The following LRRTM4 variants were observed in gnomAD, a reference collection of about 807,000 sequenced individuals.
LRRTM4 encodes leucine rich repeat transmembrane neuronal 4.
Under a neutral mutation model 47.6 loss-of-function variants are expected in LRRTM4, and 25 were observed. The ratio of observed to expected loss-of-function variants is 0.53; its 90% CI spans 0.38 to 0.73. The LOEUF (loss-of-function observed/expected upper bound fraction) is 0.73, where lower values mean the gene tolerates loss of function less well. LRRTM4 is among the 30% of genes least tolerant of loss of function. The pLI is 0.00. For missense variants in LRRTM4, 638 were observed against 713.4 expected (o/e 0.89, Z 1.20); for synonymous variants, 311 against 269.5 (o/e 1.15, Z -1.51).
At chr2:77,248,371 C>T (rs1170243693) in intron 3 of LRRTM4, among the ~76,000 whole-genome samples, 1 of 151,792 alleles carries the variant, frequency 6.6e-6, no homozygotes, top group Admixed American at 6.6e-5. Flanking sequence ...AAGAAAACTG[C>T]AAATTCTGAT....
chr2:77,062,351 A>T (rs1438233171), intron 3 of LRRTM4, among the ~76,000 whole-genome samples: 2 of 152,238 alleles, frequency 1.3e-5, no homozygotes, highest in African/African-American at 4.8e-5. Context: ...GTTATCCTTT[A>T]AAAATGTTAG....
At chr2:77,080,944 ACT>A (rs1680509955) in intron 3 of LRRTM4, among the ~76,000 whole-genome samples, 1 of 151,840 alleles carries the variant, frequency 6.6e-6, no homozygotes, top group African/African-American at 2.4e-5. Flanking sequence ...CTTGCTCTTT[ACT>A]CTGTCCACAT....
intron 3 of LRRTM4, among the ~76,000 whole-genome samples, chr2:77,057,751 G>C (rs571706351): frequency 1.3e-5 from 2 of 152,196 alleles, no homozygotes; most frequent in Non-Finnish European, 2.9e-5. Flanking sequence ...TGCACCTAGA[G>C]TCAAGAAGAA....
intron 3 of LRRTM4, among the ~76,000 whole-genome samples, chr2:77,082,759 T>C (rs1355495112): frequency 6.6e-6 from 1 of 152,166 alleles, no homozygotes; most frequent in Non-Finnish European, 1.5e-5. Context: ...TTGAACATGT[T>C]TGTTCTTCTC....
chr2:76,878,537 A>T (rs1057134859), intron 3 of LRRTM4, among the ~76,000 whole-genome samples: 2 of 152,078 alleles, frequency 1.3e-5, no homozygotes, highest in Non-Finnish European at 2.9e-5. Context: ...AAAGAAAGTT[A>T]GAAGTCTAGT....
intron 3 of LRRTM4, among the ~76,000 whole-genome samples, chr2:76,761,072 G>T (rs560972411): frequency 1.3e-5 from 2 of 152,278 alleles, no homozygotes; most frequent in South Asian, 4.1e-4. Flanking sequence ...TGATTCAAAT[G>T]TGCAACCTAG....
intron 3 of LRRTM4, among the ~76,000 whole-genome samples, chr2:77,213,963 A>G (rs1289520704): frequency 6.6e-6 from 1 of 151,746 alleles, no homozygotes; most frequent in Admixed American, 6.6e-5. Flanking sequence ...AAACAAACAA[A>G]CAAAAGAAAA....
At chr2:77,107,777 A>T (rs115539613) in intron 3 of LRRTM4, among the ~76,000 whole-genome samples, 17,114 of 145,936 alleles carry the variant, frequency 0.12, 1,235 homozygotes, top group East Asian at 0.17. Flanking sequence ...AAGATCACAC[A>T]GTTGCACTCC....
chr2:77,226,687 G>A (rs1303450195), intron 3 of LRRTM4, among the ~76,000 whole-genome samples: 1 of 151,900 alleles, frequency 6.6e-6, no homozygotes, highest in Non-Finnish European at 1.5e-5. Context: ...TAAGTGAAAC[G>A]TTTGTTTTCA....
At chr2:77,102,402 C>G (rs1309254360) in intron 3 of LRRTM4, among the ~76,000 whole-genome samples, 1 of 152,156 alleles carries the variant, frequency 6.6e-6, no homozygotes, top group Non-Finnish European at 1.5e-5. Context: ...TGATGAATGT[C>G]TAGGTTACTT....
intron 3 of LRRTM4, among the ~76,000 whole-genome samples, chr2:77,328,904 TG>T (rs1259259077): frequency 6.6e-6 from 1 of 152,186 alleles, no homozygotes; most frequent in East Asian, 1.9e-4. Context: ...CTGAGAGCTA[TG>T]TGAGGCAGTA....
intron 3 of LRRTM4, among the ~76,000 whole-genome samples, chr2:77,132,729 C>T (rs1450825537): frequency 6.6e-6 from 1 of 152,162 alleles, no homozygotes; most frequent in Non-Finnish European, 1.5e-5. Context: ...GAGGGCAAAG[C>T]CTTCATCAAT....
intron 3 of LRRTM4, among the ~76,000 whole-genome samples, chr2:77,273,849 T>G (rs1312507645): frequency 6.6e-6 from 1 of 152,192 alleles, no homozygotes; most frequent in Non-Finnish European, 1.5e-5. Context: ...ACAAAACATG[T>G]GGATGTTTAC....
intron 3 of LRRTM4, among the ~76,000 whole-genome samples, chr2:76,813,067 G>A (rs1042137718): frequency 5.9e-5 from 9 of 151,990 alleles, no homozygotes; most frequent in African/African-American, 2.2e-4. Context: ...GGGAGACTGA[G>A]GCAGGACAAT....
intron 3 of LRRTM4, among the ~76,000 whole-genome samples, chr2:77,106,099 T>C (rs1671085826): frequency 6.6e-6 from 1 of 152,182 alleles, no homozygotes; most frequent in Non-Finnish European, 1.5e-5. Flanking sequence ...TGCCTTCTTT[T>C]GATGATTAAT....
chr2:77,490,678 C>T (rs146030716), intron 3 of LRRTM4, among the ~76,000 whole-genome samples: 40 of 151,990 alleles, frequency 2.6e-4, no homozygotes, highest in African/African-American at 9.2e-4. Context: ...AGAGAAGAGC[C>T]GCCACCTGCT....
At chr2:77,501,923 T>A (rs535657549) in intron 3 of LRRTM4, among the ~76,000 whole-genome samples, 21 of 151,478 alleles carry the variant, frequency 1.4e-4, no homozygotes, top group African/African-American at 4.1e-4. Flanking sequence ...TTGATCTCAA[T>A]TAGAACAAAT....
chr2:77,467,481 T>C (rs550349409), intron 3 of LRRTM4, among the ~76,000 whole-genome samples: 1 of 152,292 alleles, frequency 6.6e-6, no homozygotes, highest in African/African-American at 2.4e-5. Flanking sequence ...GAAATTCCAC[T>C]TCAGATGGCC....
At chr2:76,809,062 T>C (rs536705107) in intron 3 of LRRTM4, among the ~76,000 whole-genome samples, 3 of 152,238 alleles carry the variant, frequency 2.0e-5, no homozygotes, top group Non-Finnish European at 4.4e-5. Context: ...TCAAAGCTAT[T>C]TCAAACGATT....
Sources: allele counts gnomAD v4.1 joint callset (sites outside exome capture counted in the v4.1 genomes callset), GRCh38; gene constraint gnomAD v4.1.1; transcripts MANE v1.5; gene names NCBI Gene and HGNC (gene_info 2026-07-23, HGNC 2026-07-21).